Variants in NOL4 observed in about 807,000 individuals in gnomAD.
The protein encoded by NOL4 is cancer/testis antigen 125.
In NOL4, 17 loss-of-function variants were observed where a neutral mutation model predicts 75.9. That is an observed-to-expected ratio of 0.22 (90% CI 0.15 to 0.34). NOL4 has a LOEUF of 0.34. Ranked by LOEUF, NOL4 falls within the 10% of genes least tolerant of loss-of-function variation. The pLI is 1.00. For missense variants in NOL4, 614 were observed against 793.5 expected (o/e 0.77, Z 2.72); for synonymous variants, 292 against 289.9 (o/e 1.01, Z -0.07).
At chr18:33,966,394 G>A (rs1383898107) in intron 6 of NOL4, among the ~76,000 whole-genome samples, 1 of 152,134 alleles carries the variant, frequency 6.6e-6, no homozygotes, top group African/African-American at 2.4e-5. Flanking sequence ...AACAAGATAA[G>A]GTTGCTCACT....
chr18:33,925,673 C>A (rs145498043), intron 9 of NOL4, among the ~76,000 whole-genome samples: 125 of 152,286 alleles, frequency 8.2e-4, no homozygotes, highest in African/African-American at 2.5e-3. Context: ...TTCTGATTTT[C>A]ATTTTTCAGA....
At chr18:34,003,374 G>A (rs972502798) in intron 6 of NOL4, among the ~76,000 whole-genome samples, 59 of 152,174 alleles carry the variant, frequency 3.9e-4, no homozygotes, top group African/African-American at 1.3e-3. Flanking sequence ...GGCATGATAT[G>A]TGGCATATCG....
chr18:33,870,237 C>T (rs1468239012), intron 10 of NOL4, among the ~76,000 whole-genome samples: 1 of 151,788 alleles, frequency 6.6e-6, no homozygotes, highest in Non-Finnish European at 1.5e-5. Flanking sequence ...TGAAATAAAC[C>T]AGGAACAAAA....
intron 8 of NOL4, among the ~76,000 whole-genome samples, chr18:33,951,364 G>A (rs1376241936): frequency 6.6e-6 from 1 of 152,040 alleles, no homozygotes; most frequent in Middle Eastern, 3.2e-3. Flanking sequence ...CTGGTTTTCG[G>A]TTGTAGATAA....
At chr18:33,934,418 T>C (rs904633311) in intron 9 of NOL4, among the ~76,000 whole-genome samples, 3 of 152,180 alleles carry the variant, frequency 2.0e-5, no homozygotes, top group Non-Finnish European at 4.4e-5. Flanking sequence ...TAATTTCTTC[T>C]CTCTAGCTAT....
At chr18:34,145,597 A>G (rs1389637157) in intron 1 of NOL4, among the ~76,000 whole-genome samples, 4 of 151,890 alleles carry the variant, frequency 2.6e-5, no homozygotes, top group Non-Finnish European at 5.9e-5. Flanking sequence ...TTTAATATGC[A>G]GCATTCCTTG....
rs115769193 is a variant in NOL4, at chr18:34,150,213, A to T, written c.265-20193T>A. Among the ~76,000 whole-genome samples the T allele has an allele frequency of 8.5e-3, 1,290 of 151,854 alleles. 19 individuals are homozygous for T. The highest frequency in any genetic ancestry group is 0.03 in the African/African-American group (1,236 of 41,514). Reference sequence around the variant, plus strand: ...TCAAATATATGACTAAGCCTATTACATGAAGAAAATGTTGAGAATAGTGCC... The same window carrying T: ...TCAAATATATGACTAAGCCTATTACTTGAAGAAAATGTTGAGAATAGTGCC... On this transcript the variant is annotated intron_variant, in intron 1 of 10. Coordinates refer to ENST00000261592, the MANE Select transcript of NOL4 (RefSeq NM_003787.5).
At chr18:33,912,219 G>C (rs115575993) in intron 9 of NOL4, among the ~76,000 whole-genome samples, 3,255 of 151,992 alleles carry the variant, frequency 0.021, 131 homozygotes, top group African/African-American at 0.075. Context: ...CCTTTCCTGA[G>C]TCCTTCCTCA....
At chr18:33,984,427 T>C (rs914492540) in intron 6 of NOL4, among the ~76,000 whole-genome samples, 8 of 152,028 alleles carry the variant, frequency 5.3e-5, no homozygotes, top group Non-Finnish European at 1.0e-4. Flanking sequence ...CCCACCCAAA[T>C]CTCATGTTCA....
chr18:34,187,370 CTTT>C (rs545524361), intron 1 of NOL4, among the ~76,000 whole-genome samples: 20 of 78,340 alleles, frequency 2.6e-4, no homozygotes, highest in African/African-American at 1.1e-3. Context: ...TAGTCCACTT[CTTT>C]TTTTTTTTTT....
At chr18:33,920,737 T>C (rs2066990018) in intron 9 of NOL4, among the ~76,000 whole-genome samples, 1 of 152,216 alleles carries the variant, frequency 6.6e-6, no homozygotes. Context: ...ATAGTGTGGA[T>C]TACCTTGACA....
intron 4 of NOL4, among the ~76,000 whole-genome samples, chr18:34,103,548 G>A (rs2079135398): frequency 6.6e-6 from 1 of 151,904 alleles, no homozygotes; most frequent in Non-Finnish European, 1.5e-5. Context: ...GAAATGCACA[G>A]AAGTAAATAA....
intron 9 of NOL4, among the ~76,000 whole-genome samples, chr18:33,898,997 A>G (rs557266596): frequency 4.6e-5 from 7 of 152,258 alleles, no homozygotes; most frequent in South Asian, 4.1e-4. Context: ...CTGGGGTGCT[A>G]TCTTTTAGGT....
chr18:34,070,315 G>A (rs2077458990), intron 5 of NOL4, among the ~76,000 whole-genome samples: 2 of 152,140 alleles, frequency 1.3e-5, no homozygotes, highest in African/African-American at 2.4e-5. Context: ...CACCGCGCCC[G>A]GCCCGCCTTG....
intron 2 of NOL4, among the ~76,000 whole-genome samples, chr18:34,119,464 A>G (rs1185158571): frequency 6.6e-6 from 1 of 152,078 alleles, no homozygotes; most frequent in Non-Finnish European, 1.5e-5. Flanking sequence ...CATTACTCCA[A>G]TGCACCATTT....
intron 1 of NOL4, among the ~76,000 whole-genome samples, chr18:34,173,080 A>T (rs1440487902): frequency 6.6e-6 from 1 of 152,042 alleles, no homozygotes; most frequent in Non-Finnish European, 1.5e-5. Flanking sequence ...AAAAGAAGGA[A>T]ATTCTGCCAT....
chr18:34,199,240 G>A (rs2035563990), intron 1 of NOL4, among the ~76,000 whole-genome samples: 1 of 150,970 alleles, frequency 6.6e-6, no homozygotes, highest in African/African-American at 2.4e-5. Flanking sequence ...TCTATGAAGG[G>A]ATTTAGTTCA....
intron 6 of NOL4, among the ~76,000 whole-genome samples, chr18:33,988,590 T>C (rs879142369): frequency 6.6e-6 from 1 of 152,012 alleles, no homozygotes; most frequent in Admixed American, 6.6e-5. Context: ...CTGATTACTA[T>C]AGATTTGGAG....
intron 9 of NOL4, among the ~76,000 whole-genome samples, chr18:33,908,873 C>A (rs1397133707): frequency 6.6e-6 from 1 of 152,030 alleles, no homozygotes; most frequent in East Asian, 1.9e-4. Context: ...AAATACTATG[C>A]TCTTTGTTAA....
Sources: allele counts gnomAD v4.1 joint callset (sites outside exome capture counted in the v4.1 genomes callset), GRCh38; gene constraint gnomAD v4.1.1; transcripts MANE v1.5; gene names NCBI Gene and HGNC (gene_info 2026-07-23, HGNC 2026-07-21).